Variants in CCDC40 observed in about 807,000 individuals in gnomAD.
CCDC40 encodes the protein coiled-coil domain 40 molecular ruler complex subunit.
CCDC40 carries 104 observed loss-of-function variants against 124.5 expected under a neutral mutation model. That is an observed-to-expected ratio of 0.84 (90% confidence interval 0.71 to 0.98). CCDC40 has a LOEUF of 0.98. CCDC40 is among the 50% of genes least tolerant of loss of function. The probability of loss-of-function intolerance (pLI) is 0.00; values close to 1 mark genes in which losing one functional copy is unlikely to be tolerated. For missense variants in CCDC40, 1,463 were observed against 1,503.9 expected (o/e 0.97, Z 0.45); for synonymous variants, 580 against 602.9 (o/e 0.96, Z 0.56).
Position 80,066,453 on chromosome 17 carries a change from T to C in CCDC40, c.1562+847T>C. On this transcript the variant is annotated intron_variant, in intron 10 of 19. Coordinates refer to ENST00000397545, the MANE Select transcript of CCDC40 (RefSeq NM_017950.4). The surrounding 1 kb of genome is among the most constrained non-coding windows in gnomAD (Gnocchi z 4.4). ...CCAAAACATTTTCAAATGAATAATA[T>C]TGGATTAACCATACTCATTTCTGGC... is the stretch of plus-strand genomic sequence containing the variant. 4.2e-6 allele frequency: 2 copies of C among 471,936 alleles called. No individual in the cohort carries two copies. Among genetic ancestry groups the C allele is most frequent in the South Asian group, 5.1e-5 (2 of 38,972 alleles). The allele number at this position is 471,936 out of a possible 1,614,324, so 29.2% of individuals were successfully genotyped here. A position where few individuals can be genotyped will look rare whatever the true frequency, so the allele number is the denominator to read the frequency against.
At chr17:80,088,693 G>A (rs2038640655) in intron 16 of CCDC40, among the ~76,000 whole-genome samples, 1 of 152,212 alleles carries the variant, frequency 6.6e-6, no homozygotes, top group Non-Finnish European at 1.5e-5. Context: ...GGTAGTCCCA[G>A]CTACTCGGGA....
Position 80,053,109 on chromosome 17 carries a change from A to G in CCDC40, c.1159+2826A>G, listed in dbSNP as rs535746346. ...AATCAGTGTCCGAAAGGGAGATTTC[A>G]GGAGATGAGAGGCAATAGCCAATGT... On this transcript the variant is annotated intron_variant, in intron 7 of 19. Transcript: ENST00000397545. Among the ~76,000 whole-genome samples, 4 of 152,368 alleles carry G rather than the reference A, an allele frequency of 2.6e-5. No homozygotes were observed. In the South Asian group the frequency reaches 6.2e-4, roughly 24 times the overall value.
chr17:80,078,684 A>G (rs1375103035), intron 10 of CCDC40, among the ~76,000 whole-genome samples: 1 of 152,152 alleles, frequency 6.6e-6, no homozygotes, highest in African/African-American at 2.4e-5. Flanking sequence ...CTAGAGCTTT[A>G]TGGAAAATCT....
Position 80,087,539 on chromosome 17 carries a change from C to T in CCDC40, c.2450-68C>T. The T allele has an allele frequency of 7.5e-7, 1 of 1,336,692 alleles. No individual in the cohort carries two copies. Among genetic ancestry groups the T allele is most frequent in the South Asian group, 1.2e-5 (1 of 83,818 alleles). 82.8% of individuals were successfully genotyped at this position (1,336,692 alleles called of 1,614,324 possible). A position where few individuals can be genotyped will look rare whatever the true frequency, so the allele number is the denominator to read the frequency against. On this transcript the variant is annotated intron_variant, in intron 14 of 19. Coordinates refer to ENST00000397545, the MANE Select transcript of CCDC40 (RefSeq NM_017950.4). The surrounding 1 kb of genome is among the most constrained non-coding windows in gnomAD (Gnocchi z 4.5). ...CAAAACCTGGCTCACCTCTCGGACA[C>T]TGCTGCCTGCGGGCGAGGACCCGTA...
intron 18 of CCDC40, among the ~76,000 whole-genome samples, chr17:80,096,367 A>G (rs568541724): frequency 2.0e-5 from 3 of 150,868 alleles, no homozygotes; most frequent in Non-Finnish European, 4.4e-5. Context: ...GGGAAAGGCT[A>G]GCCAAAAATG....
intron 10 of CCDC40, among the ~76,000 whole-genome samples, chr17:80,080,842 C>T (rs1240803565): frequency 3.9e-5 from 6 of 152,118 alleles, no homozygotes; most frequent in East Asian, 1.9e-4. Flanking sequence ...GAACAAGGCC[C>T]AGTGTTCAAT....
intron 10 of CCDC40, 141 bp downstream of exon 10, chr17:80,065,747 C>T (rs990150544): frequency 6.2e-6 from 7 of 1,123,376 alleles, no homozygotes; most frequent in Admixed American, 2.0e-5. Context: ...GGCTTCCGTC[C>T]GGAAAGCTCC....
chr17:80,067,657 T>TA, intron 10 of CCDC40: 1 of 1,536,098 alleles, frequency 6.5e-7, no homozygotes, highest in East Asian at 2.4e-5. Context: ...GGTGCTGCTG[T>TA]AGATAACCGG....
Position 80,089,874 on chromosome 17 carries a change from A to G in CCDC40, c.2822A>G (p.His941Arg), listed in dbSNP as rs758115602. ...ATCCGGGCCATGAAGGGCGAGATCC[A>G]CAGGATGAAGGTGAGGGGAGGAGAG... ...TEIRAMKGEI[H>R]RMKVRLGQLL... The change falls in exon 17 of 20, where the codon CAC (histidine) becomes CGC (arginine). Residue 941 changes from histidine to arginine, a missense_variant. His to Arg is a conservative substitution (Grantham distance 29). Coordinates refer to ENST00000397545, the MANE Select transcript of CCDC40 (RefSeq NM_017950.4). The G allele has an allele frequency of 1.2e-6, 2 of 1,614,126 alleles. No individual in the cohort carries two copies. The highest frequency in any genetic ancestry group is 1.7e-5 in the Admixed American group (1 of 60,012).
Position 80,086,294 on chromosome 17 carries a change from C to A in CCDC40, c.2449+78C>A. 1 of 1,166,916 alleles carries A rather than the reference C, an allele frequency of 8.6e-7. No individual in the cohort carries two copies. The highest frequency in any genetic ancestry group is 1.3e-6 in the Non-Finnish European group (1 of 798,866). 72.3% of individuals were successfully genotyped at this position (1,166,916 alleles called of 1,614,324 possible). On this transcript the variant is annotated intron_variant, in intron 14 of 19. Transcript: ENST00000397545. This position sits in a 1 kb window ranked among gnomAD's most constrained non-coding sequence, Gnocchi z 5.5. Reference sequence around the variant, plus strand: ...GTGGGCACCTCCCAGGGGAGGGGCACTCAGTGGGGCACGTCGCTGGATTTG... The same window carrying A: ...GTGGGCACCTCCCAGGGGAGGGGCAATCAGTGGGGCACGTCGCTGGATTTG...
chr17:80,051,679 G>A (rs1030956628), intron 7 of CCDC40, among the ~76,000 whole-genome samples: 1 of 147,720 alleles, frequency 6.8e-6, no homozygotes, highest in Admixed American at 6.8e-5. Flanking sequence ...TCTCCAGTTA[G>A]CATCAAATGA....
At chr17:80,041,101 A>G (rs922958381) in intron 3 of CCDC40, among the ~76,000 whole-genome samples, 15 of 152,234 alleles carry the variant, frequency 9.9e-5, no homozygotes, top group African/African-American at 3.6e-4. Context: ...GGAGTACAAT[A>G]AAAAGGATCT....
In CCDC40 at chr17:80,087,044, G is replaced by A. The variant is rs573654226; in HGVS notation, c.2450-563G>A. ...AGGGGCTCACATGCCCATGTCCTGG[G>A]GTAGTCAGGGCACACCATGGGGACA... On this transcript the variant is annotated intron_variant, in intron 14 of 19. Coordinates refer to ENST00000397545, the MANE Select transcript of CCDC40 (RefSeq NM_017950.4). The surrounding 1 kb of genome is among the most constrained non-coding windows in gnomAD (Gnocchi z 4.5). 1 of 191,708 alleles carries A rather than the reference G, an allele frequency of 5.2e-6. No homozygotes were observed. Among genetic ancestry groups the A allele is most frequent in the Admixed American group, 5.3e-5 (1 of 18,910 alleles). The allele number at this position is 191,708 out of a possible 1,614,324, so 11.9% of individuals were successfully genotyped here.
chr17:80,036,706 G>T lies in CCDC40; in HGVS notation c.29+15G>T. The T allele has an allele frequency of 6.8e-7, 1 of 1,463,030 alleles. No individual in the cohort carries two copies. Among genetic ancestry groups the T allele is most frequent in the East Asian group, 2.8e-5 (1 of 35,112 alleles). The allele number at this position is 1,463,030 out of a possible 1,614,324, so 90.6% of individuals were successfully genotyped here. A position where few individuals can be genotyped will look rare whatever the true frequency, so the allele number is the denominator to read the frequency against. On this transcript the variant is annotated intron_variant, in intron 1 of 19. Coordinates refer to ENST00000397545, the MANE Select transcript of CCDC40 (RefSeq NM_017950.4). ...GCGGCGGGCCGGTAAGCCGGGCCGA[G>T]GGGCAGCGGGTCTTGGAGTCGCCAG...
Position 80,080,640 on chromosome 17 carries a change from A to G in CCDC40, c.1563-906A>G, listed in dbSNP as rs192068815. Among the ~76,000 whole-genome samples, 18 of 152,296 alleles carry G rather than the reference A, an allele frequency of 1.2e-4. No homozygotes were observed. The East Asian group carries it at 2.9e-3, about 24-fold the overall frequency. ...CTATTTCCTTCCTAGGATTATTGTC[A>G]TGGTTAAGGAAGGTGGGCAGATGAG... is the stretch of plus-strand genomic sequence containing the variant. On this transcript the variant is annotated intron_variant, in intron 10 of 19. Coordinates refer to ENST00000397545, the MANE Select transcript of CCDC40 (RefSeq NM_017950.4).
In CCDC40 at chr17:80,081,586, G is replaced by A. The variant is rs201164121; in HGVS notation, c.1603G>A (p.Glu535Lys). 2.5e-6 allele frequency: 4 copies of A among 1,613,950 alleles called. No homozygotes were observed. Among genetic ancestry groups the A allele is most frequent in the Admixed American group, 1.7e-5 (1 of 60,022 alleles). The change falls in exon 11 of 20, where the codon GAG becomes AAG. Residue 535 changes from glutamate to lysine, a missense_variant. Physicochemically the swap from Glu to Lys is moderately conservative, Grantham distance 56. Coordinates refer to ENST00000397545, the MANE Select transcript of CCDC40 (RefSeq NM_017950.4). ...AGCCAAATCCACCGACGGCGAGATTGAGGCCTATAAGAAATCCATCATGAA... is the reference window on the plus strand; with the variant it reads ...AGCCAAATCCACCGACGGCGAGATTAAGGCCTATAAGAAATCCATCATGAA... ...HQAKSTDGEIEAYKKSIMKEE... is the reference protein window; with the variant it reads ...HQAKSTDGEIKAYKKSIMKEE...
chr17:80,099,992 C>G lies in CCDC40; in HGVS notation c.*217C>G, dbSNP rs2038892349. The G allele has an allele frequency of 1.7e-6, 1 of 588,606 alleles. No homozygotes were observed. The highest frequency in any genetic ancestry group is 2.9e-5 in the Admixed American group (1 of 34,190). The allele number at this position is 588,606 out of a possible 1,614,324, so 36.5% of individuals were successfully genotyped here. On this transcript the variant is annotated 3_prime_UTR_variant, in exon 20 of 20. Transcript: ENST00000397545. ...AATCCTAGCGTTTCCCATGGCATCC[C>G]ATCGCAAAGACAGAGCCTGTGACTG...
Position 80,090,248 on chromosome 17 carries a change from C to G in CCDC40, c.2832+364C>G, listed in dbSNP as rs572437496. The stretch of plus-strand genomic sequence containing the variant: ...GGACGCGCGCAGGCACGTGCACGAA[C>G]AACACGGGACGCGCGCGGGCACGTG... On this transcript the variant is annotated intron_variant, in intron 17 of 19. Coordinates refer to ENST00000397545, the MANE Select transcript of CCDC40 (RefSeq NM_017950.4). 2.7e-4 allele frequency: 233 copies of G among 866,416 alleles called. 14 individuals are homozygous for G. In the African/African-American group the frequency reaches 3.0e-3, roughly 11 times the overall value. 53.7% of individuals were successfully genotyped at this position (866,416 alleles called of 1,614,324 possible).
At chr17:80,091,364 AAGAG>A (rs2065596556) in intron 17 of CCDC40, among the ~76,000 whole-genome samples, 1 of 147,318 alleles carries the variant, frequency 6.8e-6, no homozygotes, top group Admixed American at 6.8e-5. Flanking sequence ...GAGAGAAAGA[AAGAG>A]AGATTTACTA....
Sources: allele counts gnomAD v4.1 joint callset (sites outside exome capture counted in the v4.1 genomes callset), GRCh38; gene constraint gnomAD v4.1.1; non-coding constraint Gnocchi (gnomAD v3.1); transcripts MANE v1.5; gene names NCBI Gene and HGNC (gene_info 2026-07-23, HGNC 2026-07-21).